The following MMP3 variants were observed in gnomAD, a reference collection of about 807,000 sequenced individuals.
The protein encoded by MMP3 is matrix metallopeptidase 3.
Under a neutral mutation model 47.3 loss-of-function variants are expected in MMP3, and 46 were observed. The ratio of observed to expected loss-of-function variants is 0.97; its 90% confidence interval spans 0.77 to 1.24. The LOEUF (loss-of-function observed/expected upper bound fraction) is 1.24, where lower values mean the gene tolerates loss of function less well. Ranked by LOEUF, MMP3 falls within the 50% of genes most tolerant of loss-of-function variation. The probability of loss-of-function intolerance (pLI) is 0.00; values close to 1 mark genes in which losing one functional copy is unlikely to be tolerated. For synonymous variants in MMP3, 216 were observed against 206.5 expected (o/e 1.05, Z -0.39); for missense variants, 558 against 565.5 (o/e 0.99, Z 0.13).
Position 102,835,854 on chromosome 11 carries a change from C to T in MMP3, c.*272G>A. ...AATAAGCAAATAGTCTACACAGATA[C>T]AGTCACTTGTCTGTTGCACACGAGT... On this transcript the variant is annotated 3_prime_UTR_variant, in exon 10 of 10. Transcript: ENST00000299855. The T allele has an allele frequency of 2.6e-6, 1 of 380,250 alleles. No individual in the cohort carries two copies. Among genetic ancestry groups the T allele is most frequent in the Non-Finnish European group, 4.8e-6 (1 of 209,800 alleles). The allele number at this position is 380,250 out of a possible 1,614,324, so 23.6% of individuals were successfully genotyped here. A position where few individuals can be genotyped will look rare whatever the true frequency, so the allele number is the denominator to read the frequency against.
intron 3 of MMP3, 25 bp downstream of exon 3, chr11:102,842,406 T>TTTTTTTTTTTTTTTTTTTTTC: frequency 2.2e-6 from 1 of 447,998 alleles, no homozygotes; most frequent in Non-Finnish European, 3.3e-6. Context: ...TTGTTTTGCT[T>TTTTTTTTTTTTTTTTTTTTTC]TTTTTTTTTT....
chr11:102,841,859 G>A (rs1354987015), intron 4 of MMP3, among the ~76,000 whole-genome samples: 1 of 152,018 alleles, frequency 6.6e-6, no homozygotes, highest in Admixed American at 6.6e-5. Flanking sequence ...TCCCTTGAAT[G>A]TTTGTATTTT....
rs1339338112 is a variant in MMP3 at position 102,837,909 on chromosome 11, C to T, written c.1230-508G>A. On this transcript the variant is annotated intron_variant, in intron 8 of 9. Coordinates refer to ENST00000299855, the MANE Select transcript of MMP3 (RefSeq NM_002422.5). This position sits in a 1 kb window ranked among gnomAD's most constrained non-coding sequence, Gnocchi z 4.4. ...ATTGGCTGGATATCAGATGGTCGGC[C>T]TCGATGTCTCAAAGTCTGGCCAAAT... Among the ~76,000 whole-genome samples, 12 of 152,092 alleles carry T rather than the reference C, an allele frequency of 7.9e-5. No individual in the cohort carries two copies. Among genetic ancestry groups the T allele is most frequent in the Admixed American group, 7.9e-4 (12 of 15,286 alleles).
Sources: gnomAD v4.1 joint callset for allele counts (sites outside exome capture counted in the v4.1 genomes callset) on GRCh38, gnomAD v4.1.1 for gene constraint, Gnocchi (gnomAD v3.1) non-coding constraint, MANE v1.5 for transcripts, NCBI Gene and HGNC (gene_info 2026-07-23, HGNC 2026-07-21) for gene names.